RYR3: variants seen among roughly 807,000 people sequenced by gnomAD.
RYR3 encodes the protein brain ryanodine receptor-calcium release channel.
In RYR3, 207 loss-of-function variants were observed where a neutral mutation model predicts 584.3. The ratio of observed to expected loss-of-function variants is 0.35; its 90% CI spans 0.32 to 0.40. The LOEUF is 0.40. Among genes scored for constraint, RYR3 ranks in the 10% least tolerant of loss-of-function variants. The probability of loss-of-function intolerance (pLI) is 1.00; values close to 1 mark genes in which losing one functional copy is unlikely to be tolerated. For missense variants in RYR3, 5,616 were observed against 6,089.2 expected, an observed-to-expected ratio of 0.92 and a Z score of 2.59; for synonymous variants, 2,416 against 2,248.5, an observed-to-expected ratio of 1.07 and a Z score of -2.11.
intron 60 of RYR3, among the ~76,000 whole-genome samples, chr15:33,763,904 A>AAAAAAAAAAAAAAAAAAAAAAAAAC (rs1567121773): frequency 9.2e-5 from 12 of 130,640 alleles, no homozygotes; most frequent in African/African-American, 3.6e-4. Flanking sequence ...AAAAAAAAAA[A>AAAAAAAAAAAAAAAAAAAAAAAAAC]AAAAAAAAAA....
Position 33,336,464 on chromosome 15 carries a change from GAGAGAGAGAGAGAGAGAGAGA to G in RYR3, c.51+25369_51+25389del, listed in dbSNP as rs1971033675. ...AAAGAGAGAGAGAGAGAGAGAGAGA[GAGAGAGAGAGAGAGAGAGAGA>G]GAAAGAAAGAAAGAAAGAAGGAGGG... On this transcript the variant is annotated intron_variant, in intron 1 of 103. Transcript: ENST00000634891. Among the ~76,000 whole-genome samples the G allele has an allele frequency of 1.7e-4, 3 of 17,188 alleles. 1 individual carries two copies. Among genetic ancestry groups the G allele is most frequent in the Admixed American group, 1.1e-3 (2 of 1,846 alleles). 11.3% of individuals were successfully genotyped at this position (17,188 alleles called of 152,430 possible). A position where few individuals can be genotyped will look rare whatever the true frequency, so the allele number is the denominator to read the frequency against.
intron 90 of RYR3, among the ~76,000 whole-genome samples, chr15:33,841,577 A>C (rs949025874): frequency 5.9e-5 from 9 of 152,218 alleles, no homozygotes; most frequent in Non-Finnish European, 1.2e-4. Flanking sequence ...TATTGCTTAG[A>C]AAATAAAGGG....
At chr15:33,409,112 G>C (rs922965386) in intron 1 of RYR3, among the ~76,000 whole-genome samples, 4 of 152,170 alleles carry the variant, frequency 2.6e-5, no homozygotes, top group African/African-American at 9.7e-5. Context: ...CTGACAGGCA[G>C]AGGATTTCTA....
At chr15:33,770,617 G>A (rs1567136948) in intron 62 of RYR3, among the ~76,000 whole-genome samples, 1 of 152,132 alleles carries the variant, frequency 6.6e-6, no homozygotes, top group Non-Finnish European at 1.5e-5. Flanking sequence ...AGACATGATG[G>A]CACATGCCTG....
At chr15:33,363,688 T>C (rs1015696341) in intron 1 of RYR3, among the ~76,000 whole-genome samples, 1 of 152,188 alleles carries the variant, frequency 6.6e-6, no homozygotes. Context: ...GATGTTAACA[T>C]AAAATGACTA....
intron 98 of RYR3, among the ~76,000 whole-genome samples, chr15:33,856,963 G>T (rs1329091151): frequency 6.6e-6 from 1 of 152,086 alleles, no homozygotes; most frequent in Non-Finnish European, 1.5e-5. Context: ...CCGGCCTGGG[G>T]TTTTTTAAGC....
intron 19 of RYR3, 90 bp from the exon 20 acceptor site, chr15:33,623,717 G>C (rs1347584838): frequency 1.2e-5 from 11 of 884,014 alleles, no homozygotes; most frequent in East Asian, 2.5e-5. Flanking sequence ...TGTTGAGGGT[G>C]GGAGGTAGGG....
rs773881601 is a variant in RYR3, at chr15:33,562,818, C to G, written c.973-19C>G. On this transcript the variant is annotated intron_variant, in intron 10 of 103. Coordinates refer to ENST00000634891, the MANE Select transcript of RYR3 (RefSeq NM_001036.6). ...TAATCAGCTATGCCTATGTTTGTTT[C>G]TTTTTGTGTATGAATTAGGAACTCA... 1.6e-5 allele frequency: 26 copies of G among 1,596,434 alleles called. No individual in the cohort carries two copies. Among genetic ancestry groups the G allele is most frequent in the Admixed American group, 3.4e-5 (2 of 59,542 alleles).
At chr15:33,444,495 CAT>C (rs1382664063) in intron 1 of RYR3, among the ~76,000 whole-genome samples, 1 of 152,268 alleles carries the variant, frequency 6.6e-6, no homozygotes, top group East Asian at 1.9e-4. Context: ...TAGCGCTAGA[CAT>C]ATGGGGATGA....
intron 46 of RYR3, among the ~76,000 whole-genome samples, chr15:33,728,033 G>A (rs1033986122): frequency 6.6e-6 from 1 of 152,170 alleles, no homozygotes; most frequent in Non-Finnish European, 1.5e-5. Flanking sequence ...TATTGCAACA[G>A]TATGTCCTCG....
intron 69 of RYR3, among the ~76,000 whole-genome samples, chr15:33,802,309 C>T (rs2075961096): frequency 6.6e-6 from 1 of 152,178 alleles, no homozygotes; most frequent in Non-Finnish European, 1.5e-5. Flanking sequence ...TGCCTAGAAC[C>T]ACCTTTTGAT....
intron 34 of RYR3, among the ~76,000 whole-genome samples, chr15:33,660,756 A>G (rs2152703765): frequency 6.6e-6 from 1 of 152,316 alleles, no homozygotes; most frequent in East Asian, 1.9e-4. Flanking sequence ...TGACTTAGAG[A>G]ATCAGGAATC....
At position 33,437,676 on chromosome 15, in the gene RYR3, GC is replaced by G. The variant is rs200234991; in HGVS notation, c.52-35742del. On this transcript the variant is annotated intron_variant, in intron 1 of 103. Coordinates refer to ENST00000634891, the MANE Select transcript of RYR3 (RefSeq NM_001036.6). The stretch of plus-strand genomic sequence containing the variant: ...CCACAGTGGCCTGTTTCTGGACTCT[GC>G]TTTTCCACTGGTCTGTATACTTACC... 9.8e-3 allele frequency among the ~76,000 whole-genome samples: 1,485 copies of G among 152,306 alleles called. 17 individuals carry two copies. The highest frequency in any genetic ancestry group is 0.034 in the African/African-American group (1,401 of 41,556).
At chr15:33,620,056 G>C (rs1595860714) in intron 19 of RYR3, among the ~76,000 whole-genome samples, 7 of 152,156 alleles carry the variant, frequency 4.6e-5, no homozygotes, top group African/African-American at 1.7e-4. Context: ...CCAGCCCCTG[G>C]GTTTCTGATC....
chr15:33,514,030 T>C (rs1318261449), intron 3 of RYR3, among the ~76,000 whole-genome samples: 1 of 152,206 alleles, frequency 6.6e-6, no homozygotes, highest in Non-Finnish European at 1.5e-5. Context: ...TTTGCCCAAA[T>C]ATCAGATAGG....
At chr15:33,497,761 T>C (rs1448675618) in intron 2 of RYR3, among the ~76,000 whole-genome samples, 2 of 152,196 alleles carry the variant, frequency 1.3e-5, no homozygotes, top group Non-Finnish European at 2.9e-5. Context: ...TTTTAAAATA[T>C]ACATTAAATT....
intron 1 of RYR3, among the ~76,000 whole-genome samples, chr15:33,329,967 A>G (rs1183994505): frequency 1.3e-5 from 2 of 152,154 alleles, no homozygotes; most frequent in African/African-American, 4.8e-5. Context: ...GACAGTATGA[A>G]TGGGTGAAAG....
At chr15:33,818,011 G>A (rs2076909280) in intron 75 of RYR3, among the ~76,000 whole-genome samples, 1 of 152,236 alleles carries the variant, frequency 6.6e-6, no homozygotes, top group Non-Finnish European at 1.5e-5. Flanking sequence ...GCAGCTCCAG[G>A]ATGGCAGCTC....
At chr15:33,382,513 G>A (rs2041273283) in intron 1 of RYR3, among the ~76,000 whole-genome samples, 1 of 151,884 alleles carries the variant, frequency 6.6e-6, no homozygotes, top group South Asian at 2.1e-4. Flanking sequence ...AGTAGAGACA[G>A]GGTTTCACCA....
Sources: allele counts gnomAD v4.1 joint callset (sites outside exome capture counted in the v4.1 genomes callset), GRCh38; gene constraint gnomAD v4.1.1; transcripts MANE v1.5; gene names NCBI Gene and HGNC (gene_info 2026-07-23, HGNC 2026-07-21).